ZNF354C: variants seen among roughly 807,000 people sequenced by gnomAD.
ZNF354C encodes the protein KRAB-zinc finger protein synten.
Under a neutral mutation model 12.4 loss-of-function variants are expected in ZNF354C, and 7 were observed. The ratio of observed to expected loss-of-function variants is 0.56; its 90% CI spans 0.32 to 1.06. ZNF354C has a LOEUF of 1.06. Among genes scored for constraint, ZNF354C ranks in the 50% least tolerant of loss-of-function variants. ZNF354C has a pLI of 0.04. For synonymous variants in ZNF354C, 202 were observed against 224.5 expected (o/e 0.90, Z 0.90); for missense variants, 609 against 658.0 (o/e 0.93, Z 0.81).
intron 1 of ZNF354C, among the ~76,000 whole-genome samples, chr5:179,061,603 G>C (rs1481016743): frequency 6.6e-6 from 1 of 152,082 alleles, no homozygotes; most frequent in African/African-American, 2.4e-5. Context: ...GTAGGGATGC[G>C]GGGAAGCCTC....
At chr5:179,064,597 G>A (rs1037383130) in intron 2 of ZNF354C, among the ~76,000 whole-genome samples, 2 of 130,170 alleles carry the variant, frequency 1.5e-5, no homozygotes, top group African/African-American at 5.8e-5. Flanking sequence ...TTTTTTTTTT[G>A]TAGAGACGGG....
At chr5:179,077,220 C>G in intron 4 of ZNF354C, 54 bp downstream of exon 4, 3 of 1,387,752 alleles carry the variant, frequency 2.2e-6, no homozygotes, top group Non-Finnish European at 3.1e-6. Context: ...ACAAGTAGGT[C>G]ACAAAGAGGC....
In ZNF354C at chr5:179,079,833, G is replaced by A. The variant is rs772333815; in HGVS notation, c.1401G>A (p.Pro467=). The A allele has an allele frequency of 1.6e-5, 26 of 1,613,940 alleles. No homozygotes were observed. Among genetic ancestry groups the A allele is most frequent in the African/African-American group, 2.7e-5 (2 of 74,918 alleles). The change falls in exon 5 of 5, where the codon CCG becomes CCA. Residue 467 remains proline, a synonymous_variant. Coordinates refer to ENST00000315475, the MANE Select transcript of ZNF354C (RefSeq NM_014594.3). The surrounding 1 kb of genome is among the most constrained non-coding windows in gnomAD (Gnocchi z 4.2). ...RHQRIHTGEK[P]YQCNQCGKAF... ...AGAGAATTCATACTGGAGAGAAACC[G>A]TATCAGTGTAATCAGTGTGGAAAGG...
At chr5:179,077,299 G>A (rs769963133) in intron 4 of ZNF354C, 133 bp downstream of exon 4, 10 of 677,762 alleles carry the variant, frequency 1.5e-5, no homozygotes, top group Non-Finnish European at 2.4e-5. Context: ...TTTTGTTTGA[G>A]TTGTATAGGT....
At chr5:179,064,582 ATT>A (rs59111143) in intron 2 of ZNF354C, among the ~76,000 whole-genome samples, 5 of 141,714 alleles carry the variant, frequency 3.5e-5, no homozygotes, top group Non-Finnish European at 4.6e-5. Context: ...ACACTGGCTA[ATT>A]TTTTTTTTTT....
Position 179,083,006 on chromosome 5 carries a change from A to T in ZNF354C, c.*2909A>T. ...TCTTGCTATCCCCTACTTCATAGTTAATGAAGCCAAACTGATCTTGCACAC... is the reference window on the plus strand; with the variant it reads ...TCTTGCTATCCCCTACTTCATAGTTTATGAAGCCAAACTGATCTTGCACAC... On this transcript the variant is annotated 3_prime_UTR_variant, in exon 5 of 5. Transcript: ENST00000315475. The T allele has an allele frequency of 1.3e-6, 1 of 764,628 alleles. No homozygotes were observed. The highest frequency in any genetic ancestry group is 1.7e-5 in the African/African-American group (1 of 57,590). The allele number at this position is 764,628 out of a possible 1,614,324, so 47.4% of individuals were successfully genotyped here. A position where few individuals can be genotyped will look rare whatever the true frequency, so the allele number is the denominator to read the frequency against.
chr5:179,078,208 A>G (rs1762156079), intron 4 of ZNF354C, among the ~76,000 whole-genome samples: 1 of 152,238 alleles, frequency 6.6e-6, no homozygotes, highest in African/African-American at 2.4e-5. Context: ...TTAAAAGATT[A>G]TCGGGCATAG....
chr5:179,067,441 A>C (rs938013985), intron 2 of ZNF354C, among the ~76,000 whole-genome samples: 16 of 152,218 alleles, frequency 1.1e-4, no homozygotes, highest in Non-Finnish European at 7.3e-5. Flanking sequence ...ACAGCTTCAA[A>C]GGAAGGAAAC....
At chr5:179,069,661 C>T (rs1762016348) in intron 2 of ZNF354C, among the ~76,000 whole-genome samples, 1 of 151,322 alleles carries the variant, frequency 6.6e-6, no homozygotes, top group East Asian at 2.0e-4. Flanking sequence ...ATCAGGAGAT[C>T]GAGACCATCC....
In ZNF354C at chr5:179,060,895, C is replaced by G. The variant is rs569956731; in HGVS notation, c.-55+229C>G. Reference sequence around the variant, plus strand: ...TGGCGGTACGCTGTTCCCGCTCTGTCAGGAGGAGACCGAGGCAGAGTGGCG... The same window carrying G: ...TGGCGGTACGCTGTTCCCGCTCTGTGAGGAGGAGACCGAGGCAGAGTGGCG... On this transcript the variant is annotated intron_variant, in intron 1 of 4. Transcript: ENST00000315475. The surrounding 1 kb of genome is among the most constrained non-coding windows in gnomAD (Gnocchi z 4.2). 2.0e-5 allele frequency among the ~76,000 whole-genome samples: 3 copies of G among 152,318 alleles called. No individual in the cohort carries two copies. The South Asian group carries it at 6.2e-4, about 32-fold the overall frequency.
Position 179,082,697 on chromosome 5 carries a change from G to C in ZNF354C, c.*2600G>C. 1 of 1,592,476 alleles carries C rather than the reference G, an allele frequency of 6.3e-7. No homozygotes were observed. The highest frequency in any genetic ancestry group is 1.1e-5 in the South Asian group (1 of 90,428). On this transcript the variant is annotated 3_prime_UTR_variant, in exon 5 of 5. Transcript: ENST00000315475. The stretch of plus-strand genomic sequence containing the variant: ...GTTAGTCAATGACACCAGCTTGACG[G>C]ATCTTTCTTTCTGCACCAAACCCCA...
At position 179,082,418 on chromosome 5, in the gene ZNF354C, G is replaced by A; in HGVS notation, c.*2321G>A. On this transcript the variant is annotated 3_prime_UTR_variant, in exon 5 of 5. Coordinates refer to ENST00000315475, the MANE Select transcript of ZNF354C (RefSeq NM_014594.3). The stretch of plus-strand genomic sequence containing the variant: ...ATAGAGGAACAAGTTGAATTACACA[G>A]TATGGAAATAAATAGACAAGTCCAG... The A allele has an allele frequency of 2.3e-6, 1 of 433,378 alleles. No individual in the cohort carries two copies. Among genetic ancestry groups the A allele is most frequent in the South Asian group, 3.0e-5 (1 of 33,248 alleles). The allele number at this position is 433,378 out of a possible 1,614,324, so 26.8% of individuals were successfully genotyped here. A position where few individuals can be genotyped will look rare whatever the true frequency, so the allele number is the denominator to read the frequency against.
chr5:179,080,036 G>A lies in ZNF354C; in HGVS notation c.1604G>A (p.Cys535Tyr). The A allele has an allele frequency of 6.2e-7, 1 of 1,610,454 alleles. No homozygotes were observed. Among genetic ancestry groups the A allele is most frequent in the Non-Finnish European group, 8.5e-7 (1 of 1,178,730 alleles). The change falls in exon 5 of 5, where the codon TGC becomes TAC. Residue 535 changes from cysteine to tyrosine, a missense_variant. Cys to Tyr is a radical substitution (Grantham distance 194). Transcript: ENST00000315475. The stretch of plus-strand genomic sequence containing the variant: ...AAGGAATATGGGAAACCTTTCATCT[G>A]CAGCTCCTCACTTACCCAGTATCAG... ...KWKEYGKPFI[C>Y]SSSLTQYQRF...
chr5:179,077,985 T>G (rs1035561250), intron 4 of ZNF354C, among the ~76,000 whole-genome samples: 3 of 152,024 alleles, frequency 2.0e-5, no homozygotes, highest in Non-Finnish European at 4.4e-5. Context: ...TTTTGTATTT[T>G]TGGTAGAGAC....
At position 179,078,731 on chromosome 5, in the gene ZNF354C, T is replaced by C; in HGVS notation, c.299T>C (p.Ile100Thr). The part of the protein sequence containing the change: ...ETEALPHRQD[I>T]FIEETSQGMV... Reference sequence around the variant, plus strand: ...GAAGCATTGCCTCATAGACAGGACATTTTTATAGAAGAAACATCTCAGGGA... The same window carrying C: ...GAAGCATTGCCTCATAGACAGGACACTTTTATAGAAGAAACATCTCAGGGA... The change falls in exon 5 of 5, where the codon ATT becomes ACT. Residue 100 changes from isoleucine (I) to threonine (T), a missense_variant. Ile to Thr is a moderately conservative substitution (Grantham distance 89). Coordinates refer to ENST00000315475, the MANE Select transcript of ZNF354C (RefSeq NM_014594.3). 1 of 1,612,024 alleles carries C rather than the reference T, an allele frequency of 6.2e-7. No homozygotes were observed. Among genetic ancestry groups the C allele is most frequent in the Non-Finnish European group, 8.5e-7 (1 of 1,179,512 alleles).
rs765749503 is a variant in ZNF354C at position 179,062,105 on chromosome 5, A to G, written c.27+10A>G. 2.5e-6 allele frequency: 4 copies of G among 1,614,006 alleles called. No homozygotes were observed. The East Asian group carries it at 8.9e-5, about 36-fold the overall frequency. On this transcript the variant is annotated intron_variant, in intron 2 of 4. Transcript: ENST00000315475. ...TCTGCTGTCTGCTCAGGTGAGAGTG[A>G]GTGAAGGTTGTCTTTTTCATCAGTT...
At chr5:179,061,897 C>T (rs1761899090) in intron 1 of ZNF354C, 118 bp from the exon 2 acceptor site, 1 of 722,506 alleles carries the variant, frequency 1.4e-6, no homozygotes, top group Non-Finnish European at 2.5e-6. Flanking sequence ...TCTTGCTTTA[C>T]ATCATTACGG....
Position 179,079,043 on chromosome 5 carries a change from TG to T in ZNF354C, c.612del (p.Met204IlefsTer88). 3.1e-6 allele frequency: 5 copies of T among 1,613,342 alleles called. No homozygotes were observed. Among genetic ancestry groups the T allele is most frequent in the Non-Finnish European group, 4.2e-6 (5 of 1,179,888 alleles). ...GATTTTAAACAGAATTTTGATCTCA[TG>T]AAATGCTTCCAGATTTACCCAGGAG... ...GKDFKQNFDL[M>X]KCFQIYPGGK... On this transcript the variant is annotated frameshift_variant, in exon 5 of 5. Coordinates refer to ENST00000315475, the MANE Select transcript of ZNF354C (RefSeq NM_014594.3). LOFTEE classifies it low-confidence loss of function (END_TRUNC). This position sits in a 1 kb window ranked among gnomAD's most constrained non-coding sequence, Gnocchi z 4.2.
At chr5:179,064,838 G>A (rs376866915) in intron 2 of ZNF354C, among the ~76,000 whole-genome samples, 6 of 152,072 alleles carry the variant, frequency 3.9e-5, no homozygotes, top group African/African-American at 1.2e-4. Flanking sequence ...TAAGGGTACC[G>A]AGGGAGAAAT....
Sources: allele counts gnomAD v4.1 joint callset (sites outside exome capture counted in the v4.1 genomes callset), GRCh38; gene constraint gnomAD v4.1.1; non-coding constraint Gnocchi (gnomAD v3.1); transcripts MANE v1.5; gene names NCBI Gene and HGNC (gene_info 2026-07-23, HGNC 2026-07-21).